The following TTC17 variants were observed in gnomAD, a reference collection of about 807,000 sequenced individuals.
TTC17 encodes the protein tetratricopeptide repeat domain 17.
Under a neutral mutation model 143.8 loss-of-function variants are expected in TTC17, and 58 were observed. That is an observed-to-expected ratio of 0.40 (90% confidence interval 0.33 to 0.50). The LOEUF (loss-of-function observed/expected upper bound fraction) is 0.50. TTC17 is among the 20% of genes least tolerant of loss of function. The pLI is 0.49. For missense variants in TTC17, 1,273 were observed against 1,392.5 expected (o/e 0.91, Z 1.37); for synonymous variants, 501 against 497.8 (o/e 1.01, Z -0.09).
At chr11:43,410,829 C>G (rs921505499) in intron 15 of TTC17, among the ~76,000 whole-genome samples, 1 of 152,190 alleles carries the variant, frequency 6.6e-6, no homozygotes, top group Non-Finnish European at 1.5e-5. Context: ...AACTTAGGGG[C>G]TTCCTTCATA....
chr11:43,440,130 C>G (rs1305576235), intron 16 of TTC17, among the ~76,000 whole-genome samples: 1 of 152,180 alleles, frequency 6.6e-6, no homozygotes, highest in African/African-American at 2.4e-5. Flanking sequence ...GACCTTTCAC[C>G]AAACCAGAAT....
chr11:43,426,112 G>T (rs1369972305), intron 16 of TTC17, among the ~76,000 whole-genome samples: 2 of 152,216 alleles, frequency 1.3e-5, no homozygotes, highest in Admixed American at 6.5e-5. Flanking sequence ...TCTGATTCCT[G>T]CTGCACCTCT....
intron 16 of TTC17, among the ~76,000 whole-genome samples, chr11:43,422,268 C>G (rs1946923760): frequency 1.3e-5 from 2 of 152,102 alleles, no homozygotes; most frequent in African/African-American, 4.8e-5. Context: ...ATACTCAGGT[C>G]TGAGAAAGGA....
At chr11:43,379,476 GT>G (rs1273857404) in intron 2 of TTC17, among the ~76,000 whole-genome samples, 154 bp downstream of exon 2, 1 of 152,074 alleles carries the variant, frequency 6.6e-6, no homozygotes, top group Non-Finnish European at 1.5e-5. Context: ...GTGTGTGTGT[GT>G]GTGTTTTTTC....
intron 2 of TTC17, among the ~76,000 whole-genome samples, chr11:43,382,099 T>C (rs1486201064): frequency 6.6e-6 from 1 of 152,186 alleles, no homozygotes; most frequent in Non-Finnish European, 1.5e-5. Context: ...TACCAAGTAG[T>C]GACAACTATA....
At chr11:43,389,159 G>A (rs1034737721) in intron 2 of TTC17, among the ~76,000 whole-genome samples, 16 of 151,782 alleles carry the variant, frequency 1.1e-4, no homozygotes, top group South Asian at 4.2e-4. Flanking sequence ...AAAGGGTGGA[G>A]GGGGGAGATA....
intron 21 of TTC17, among the ~76,000 whole-genome samples, chr11:43,484,933 G>T (rs1948354885): frequency 1.3e-5 from 2 of 151,762 alleles, no homozygotes; most frequent in Non-Finnish European, 2.9e-5. Flanking sequence ...AGGGATCTAG[G>T]TTGCACGGAA....
intron 21 of TTC17, among the ~76,000 whole-genome samples, chr11:43,468,812 C>T (rs1948032981): frequency 6.6e-6 from 1 of 152,082 alleles, no homozygotes; most frequent in African/African-American, 2.4e-5. Flanking sequence ...GTAGTCCTAG[C>T]TACACAGGAG....
chr11:43,443,386 G>A lies in TTC17; in HGVS notation c.2313G>A (p.Met771Ile). 6.2e-7 allele frequency: 1 copy of A among 1,614,140 alleles called. No homozygotes were observed. Among genetic ancestry groups the A allele is most frequent in the Non-Finnish European group, 8.5e-7 (1 of 1,180,002 alleles). ...DEMENSDETK[M>I]SEEILALVDE... The stretch of plus-strand genomic sequence containing the variant: ...TGGAGAATTCAGATGAAACCAAAAT[G>A]TCAGAAGAAATACTGGCTTTGGTGG... The change falls in exon 17 of 24, where the codon ATG (methionine) becomes ATA (isoleucine). Residue 771 changes from methionine (M) to isoleucine (I), a missense_variant. Physicochemically the swap from Met to Ile is conservative, Grantham distance 10. This residue lies in a region of TTC17 where 878 missense variants were observed against 899.8 expected (regional missense o/e 0.98). Coordinates refer to ENST00000039989, the MANE Select transcript of TTC17 (RefSeq NM_018259.6).
intron 21 of TTC17, among the ~76,000 whole-genome samples, chr11:43,475,277 AG>A (rs1948164981): frequency 6.6e-6 from 1 of 152,134 alleles, no homozygotes; most frequent in African/African-American, 2.4e-5. Context: ...GAGATGATTT[AG>A]GGTATCTGGT....
At chr11:43,451,982 G>A (rs1027549990) in intron 21 of TTC17, among the ~76,000 whole-genome samples, 5 of 151,976 alleles carry the variant, frequency 3.3e-5, no homozygotes, top group African/African-American at 1.2e-4. Flanking sequence ...ATGAAACTAG[G>A]GCAAACACAT....
chr11:43,485,841 A>G (rs1410918125), intron 21 of TTC17, among the ~76,000 whole-genome samples: 3 of 149,528 alleles, frequency 2.0e-5, no homozygotes, highest in African/African-American at 7.4e-5. Context: ...GTATGTTGGC[A>G]TGGCACCTTT....
chr11:43,459,335 G>T (rs1336972600), intron 21 of TTC17, among the ~76,000 whole-genome samples: 1 of 152,132 alleles, frequency 6.6e-6, no homozygotes, highest in East Asian at 1.9e-4. Context: ...CTCTGAAGTT[G>T]GCTCCCTTTT....
At chr11:43,381,476 A>G (rs1856967067) in intron 2 of TTC17, among the ~76,000 whole-genome samples, 1 of 152,194 alleles carries the variant, frequency 6.6e-6, no homozygotes, top group Non-Finnish European at 1.5e-5. Context: ...AACGAGGCTT[A>G]CTGCTTGAAG....
intron 1 of TTC17, among the ~76,000 whole-genome samples, chr11:43,378,109 G>A (rs2134475525): frequency 6.6e-6 from 1 of 152,088 alleles, no homozygotes; most frequent in East Asian, 1.9e-4. Context: ...CACCATGTTG[G>A]GCAGGCTGGT....
intron 10 of TTC17, among the ~76,000 whole-genome samples, chr11:43,403,369 A>C (rs538715609): frequency 6.6e-6 from 1 of 152,226 alleles, no homozygotes; most frequent in African/African-American, 2.4e-5. Context: ...TTCCTACCCC[A>C]TCCCATCCCC....
At chr11:43,370,965 C>A (rs1260618588) in intron 1 of TTC17, among the ~76,000 whole-genome samples, 1 of 141,484 alleles carries the variant, frequency 7.1e-6, no homozygotes, top group African/African-American at 2.7e-5. Flanking sequence ...CACCCAGCTA[C>A]TTCTAAAAAC....
chr11:43,473,602 C>A (rs1410284835), intron 21 of TTC17, among the ~76,000 whole-genome samples: 1 of 152,110 alleles, frequency 6.6e-6, no homozygotes, highest in Admixed American at 6.5e-5. Context: ...GGGCCGGGCA[C>A]AGTAGCTCAC....
intron 21 of TTC17, among the ~76,000 whole-genome samples, chr11:43,489,397 G>GCTA (rs931429484): frequency 4.8e-4 from 73 of 152,250 alleles, no homozygotes; most frequent in African/African-American, 1.7e-3. Flanking sequence ...CTGTGATGGG[G>GCTA]CTATAAGGAA....
Sources: gnomAD v4.1 joint callset for allele counts (sites outside exome capture counted in the v4.1 genomes callset) on GRCh38, gnomAD v4.1.1 for gene constraint, gnomAD v4.1.1 regional missense constraint, MANE v1.5 for transcripts, NCBI Gene and HGNC (gene_info 2026-07-23, HGNC 2026-07-21) for gene names.